Variants in TTC6 observed in about 807,000 individuals in gnomAD.
TTC6 encodes tetratricopeptide repeat protein 6.
Under a neutral mutation model 210.4 loss-of-function variants are expected in TTC6, and 172 were observed. The ratio of observed to expected loss-of-function variants is 0.82; its 90% CI spans 0.72 to 0.93. The LOEUF is 0.93. Ranked by LOEUF, TTC6 falls within the 40% of genes least tolerant of loss-of-function variation. The probability of loss-of-function intolerance (pLI) is 0.00; values close to 1 mark genes in which losing one functional copy is unlikely to be tolerated. For synonymous variants in TTC6, 804 were observed against 819.6 expected, an observed-to-expected ratio of 0.98 and a Z score of 0.32; for missense variants, 2,414 against 2,318.1, an observed-to-expected ratio of 1.04 and a Z score of -0.85.
intron 3 of TTC6, among the ~76,000 whole-genome samples, chr14:37,683,386 G>A (rs1028166854): frequency 2.6e-5 from 4 of 152,180 alleles, no homozygotes; most frequent in African/African-American, 9.6e-5. Context: ...ATGTTTACAA[G>A]ATTCATTTTA....
intron 4 of TTC6, among the ~76,000 whole-genome samples, chr14:37,697,508 G>A (rs1490115482): frequency 6.6e-6 from 1 of 152,102 alleles, no homozygotes; most frequent in African/African-American, 2.4e-5. Flanking sequence ...GTTTGAAGAA[G>A]CTTTAATTAT....
At chr14:37,654,195 GC>G (rs1197505456) in intron 1 of TTC6, among the ~76,000 whole-genome samples, 4 of 152,112 alleles carry the variant, frequency 2.6e-5, no homozygotes, top group African/African-American at 9.7e-5. Context: ...GAATGATTTA[GC>G]ACCACCCTGC....
rs1308112695 is a variant in TTC6, at chr14:37,805,774, C to T, written c.4165-587C>T. Reference sequence around the variant, plus strand: ...GGAGTGCAGTGGCGCGATCTCGGCTCACTGCAACCTCTGCCTCCCAGTTTC... The same window carrying T: ...GGAGTGCAGTGGCGCGATCTCGGCTTACTGCAACCTCTGCCTCCCAGTTTC... On this transcript the variant is annotated intron_variant, in intron 21 of 30. Coordinates refer to ENST00000553443, the Ensembl canonical transcript of TTC6. Among the ~76,000 whole-genome samples, 5 of 152,214 alleles carry T rather than the reference C, an allele frequency of 3.3e-5. No homozygotes were observed. In the East Asian group the frequency reaches 9.7e-4, roughly 29 times the overall value.
At chr14:37,721,691 C>T (rs1272131049) in intron 6 of TTC6, among the ~76,000 whole-genome samples, 1 of 151,754 alleles carries the variant, frequency 6.6e-6, no homozygotes, top group Non-Finnish European at 1.5e-5. Context: ...CATACTTCAC[C>T]ATGGCCACGG....
Position 37,598,032 on chromosome 14 carries a change from T to C in TTC6, c.-235+2024T>C, listed in dbSNP as rs1390517734. Among the ~76,000 whole-genome samples, 2 of 152,166 alleles carry C rather than the reference T, an allele frequency of 1.3e-5. No individual in the cohort carries two copies. Among genetic ancestry groups the C allele is most frequent in the Non-Finnish European group, 2.9e-5 (2 of 68,022 alleles). ...GCAGGGTCGTGTTGGGTCTTTGACT[T>C]GGAAATGCATACATACATACATAAA... On this transcript the variant is annotated intron_variant, in intron 1 of 2. Coordinates refer to the TTC6 transcript ENST00000556845. The surrounding 1 kb of genome is among the most constrained non-coding windows in gnomAD (Gnocchi z 4.9).
intron 1 of TTC6, among the ~76,000 whole-genome samples, chr14:37,651,423 ATATTTTTTTTTTTTTTTT>A (rs1396177421): frequency 1.0e-4 from 2 of 20,022 alleles, no homozygotes; most frequent in East Asian, 1.6e-3. Flanking sequence ...ATATATATAT[ATATTTTTTTTTTTTTTTT>A]TTTTTTTTTT....
chr14:37,616,419 A>G (rs1424588257), intron 2 of TTC6, among the ~76,000 whole-genome samples: 1 of 152,206 alleles, frequency 6.6e-6, no homozygotes, highest in Non-Finnish European at 1.5e-5. Context: ...CAGTTTACAC[A>G]AATGTTGACT....
chr14:37,714,582 T>C (rs776063551), intron 5 of TTC6, 73 bp from the exon 8 acceptor site: 11 of 1,253,602 alleles, frequency 8.8e-6, no homozygotes, highest in South Asian at 1.6e-5. Context: ...AGTGGAGTTA[T>C]GAAATGAGGG....
intron 1 of TTC6, among the ~76,000 whole-genome samples, chr14:37,601,594 T>G (rs184281301): frequency 1.3e-5 from 2 of 152,118 alleles, no homozygotes; most frequent in East Asian, 3.9e-4. Context: ...ATGGACTGAG[T>G]GAAGAATTGG....
intron 26 of TTC6, 58 bp downstream of exon 28, chr14:37,817,709 T>G (rs1252975203): frequency 3.3e-5 from 49 of 1,504,870 alleles, no homozygotes; most frequent in Non-Finnish European, 4.5e-5. Context: ...ACTTATCTAA[T>G]TATCACCCCA....
chr14:37,770,070 C>T (rs1366972495), intron 14 of TTC6, among the ~76,000 whole-genome samples: 8 of 152,120 alleles, frequency 5.3e-5, no homozygotes, highest in Non-Finnish European at 1.0e-4. Flanking sequence ...ACCCAGTAGT[C>T]GTTCAGGAGC....
chr14:37,794,605 C>T (rs564341237), intron 17 of TTC6, among the ~76,000 whole-genome samples: 7 of 151,048 alleles, frequency 4.6e-5, no homozygotes, highest in African/African-American at 1.7e-4. Flanking sequence ...ATTACTTTTT[C>T]ATCATTTTTT....
intron 5 of TTC6, among the ~76,000 whole-genome samples, chr14:37,710,894 A>G (rs902466005): frequency 3.3e-5 from 5 of 151,258 alleles, no homozygotes; most frequent in Non-Finnish European, 7.4e-5. Context: ...ATTTCATCCC[A>G]GGATATTCTT....
chr14:37,643,274 C>T (rs548644469), intron 1 of TTC6, among the ~76,000 whole-genome samples: 1 of 152,196 alleles, frequency 6.6e-6, no homozygotes, highest in Admixed American at 6.5e-5. Flanking sequence ...CACCATTGCA[C>T]TCCAGCCTGG....
chr14:37,771,529 C>T (rs1253666098), intron 14 of TTC6, among the ~76,000 whole-genome samples: 1 of 152,130 alleles, frequency 6.6e-6, no homozygotes, highest in Non-Finnish European at 1.5e-5. Context: ...CTCTAAGCTT[C>T]CCTTCTCGCT....
chr14:37,740,724 T>C (rs2095916448), intron 10 of TTC6, among the ~76,000 whole-genome samples: 1 of 152,198 alleles, frequency 6.6e-6, no homozygotes, highest in Non-Finnish European at 1.5e-5. Flanking sequence ...AATTTTTTTG[T>C]TAGTTCATTT....
intron 14 of TTC6, among the ~76,000 whole-genome samples, chr14:37,762,302 T>C (rs1257313924): frequency 1.3e-5 from 2 of 152,232 alleles, no homozygotes; most frequent in African/African-American, 4.8e-5. Flanking sequence ...TACAGATGTC[T>C]CTTTGACATA....
At chr14:37,642,226 G>A (rs1303890486) in intron 1 of TTC6, among the ~76,000 whole-genome samples, 3 of 152,142 alleles carry the variant, frequency 2.0e-5, no homozygotes, top group Non-Finnish European at 4.4e-5. Context: ...GCCTGAGGAG[G>A]GTCAGCAAGA....
chr14:37,622,901 G>C (rs1326314565), exon 1 of TTC6: 36 of 1,535,008 alleles, frequency 2.3e-5, no homozygotes, highest in Middle Eastern at 1.7e-4. Flanking sequence ...CCATCGAAGA[G>C]ATCATCGCCT....
Sources: gnomAD v4.1 joint callset for allele counts (sites outside exome capture counted in the v4.1 genomes callset) on GRCh38, gnomAD v4.1.1 for gene constraint, Gnocchi (gnomAD v3.1) non-coding constraint, MANE v1.5 for transcripts, NCBI Gene and HGNC (gene_info 2026-07-23, HGNC 2026-07-21) for gene names.